Variants in DPP10 observed in about 807,000 individuals in gnomAD.
The protein encoded by DPP10 is inactive dipeptidyl peptidase 10.
DPP10 carries 33 observed loss-of-function variants against 120.9 expected under a neutral mutation model. The ratio of observed to expected loss-of-function variants is 0.27; its 90% confidence interval spans 0.21 to 0.37. The LOEUF is 0.37. DPP10 is among the 10% of genes least tolerant of loss of function. The pLI, the probability that DPP10 is intolerant of heterozygous loss-of-function variation, is 1.00. For missense variants in DPP10, 816 were observed against 942.8 expected (o/e 0.87, Z 1.76); for synonymous variants, 337 against 326.1 (o/e 1.03, Z -0.36).
At chr2:114,913,636 CA>C (rs1694554261) in intron 1 of DPP10, among the ~76,000 whole-genome samples, 1 of 152,172 alleles carries the variant, frequency 6.6e-6, no homozygotes, top group Non-Finnish European at 1.5e-5. Context: ...GAAGAACCAA[CA>C]TAAGAATTCT....
chr2:114,717,035 G>A (rs888843970), intron 1 of DPP10, among the ~76,000 whole-genome samples: 2 of 152,200 alleles, frequency 1.3e-5, no homozygotes, highest in African/African-American at 4.8e-5. Context: ...TGTGCCTTTG[G>A]AAGTAAGCCT....
At chr2:114,911,878 G>A (rs1001530799) in intron 1 of DPP10, among the ~76,000 whole-genome samples, 1 of 152,158 alleles carries the variant, frequency 6.6e-6, no homozygotes, top group African/African-American at 2.4e-5. Flanking sequence ...GAGGCAGAGA[G>A]GGAGAGAACT....
At chr2:114,916,201 T>C (rs1156576776) in intron 1 of DPP10, among the ~76,000 whole-genome samples, 1 of 152,174 alleles carries the variant, frequency 6.6e-6, no homozygotes, top group South Asian at 2.1e-4. Flanking sequence ...TGAACACCGC[T>C]ATTCACATAA....
At chr2:114,990,582 T>G (rs1700700056) in intron 1 of DPP10, among the ~76,000 whole-genome samples, 1 of 152,294 alleles carries the variant, frequency 6.6e-6, no homozygotes, top group Non-Finnish European at 1.5e-5. Flanking sequence ...TTAATTATTT[T>G]TATACCCCAA....
At position 115,371,106 on chromosome 2, in the gene DPP10, C is replaced by T. The variant is rs550828361; in HGVS notation, c.271+27194C>T. ...TTTATTTTAATGCATTTTTGGGGAT[C>T]GTACAACATCTGCTACTGGTATTTC... On this transcript the variant is annotated intron_variant, in intron 3 of 25. Transcript: ENST00000410059. Among the ~76,000 whole-genome samples the T allele has an allele frequency of 2.0e-4, 30 of 152,196 alleles. No homozygotes were observed. The South Asian group carries it at 2.5e-3, about 13-fold the overall frequency.
chr2:115,511,850 C>T (rs1255141122), intron 4 of DPP10, among the ~76,000 whole-genome samples: 1 of 151,066 alleles, frequency 6.6e-6, no homozygotes, highest in Non-Finnish European at 1.5e-5. Flanking sequence ...ACCTCAGCCT[C>T]CTGAGTATCT....
intron 1 of DPP10, among the ~76,000 whole-genome samples, chr2:114,619,268 A>T (rs1436036628): frequency 6.6e-6 from 1 of 152,054 alleles, no homozygotes; most frequent in African/African-American, 2.4e-5. Flanking sequence ...GGCAGTTTAG[A>T]AACAGTTGAA....
intron 9 of DPP10, among the ~76,000 whole-genome samples, chr2:115,742,560 G>C (rs912062433): frequency 6.6e-6 from 1 of 152,036 alleles, no homozygotes; most frequent in African/African-American, 2.4e-5. Context: ...ACCTACCCAG[G>C]TACTTAAGAC....
At chr2:115,143,308 A>G (rs13416481) in intron 1 of DPP10, among the ~76,000 whole-genome samples, 27,109 of 152,156 alleles carry the variant, frequency 0.18, 3,346 homozygotes, top group African/African-American at 0.35. Flanking sequence ...CAGAAAAGCA[A>G]TAGCCCCTTT....
chr2:115,248,943 C>A (rs2058645179), intron 1 of DPP10, among the ~76,000 whole-genome samples: 1 of 152,026 alleles, frequency 6.6e-6, no homozygotes. Context: ...TTTGCTACAT[C>A]TTTCATGAAT....
At chr2:115,384,706 G>A (rs1015075091) in intron 3 of DPP10, among the ~76,000 whole-genome samples, 1,651 of 118,398 alleles carry the variant, frequency 0.014, 23 homozygotes, top group African/African-American at 0.061. Context: ...AAAGAAAGAA[G>A]AAAGAAGAAG....
chr2:115,006,207 C>T (rs1701828273), intron 1 of DPP10, among the ~76,000 whole-genome samples: 1 of 151,756 alleles, frequency 6.6e-6, no homozygotes, highest in African/African-American at 2.4e-5. Context: ...TAAAAGAGCT[C>T]CTGAAGGAAG....
At chr2:114,520,372 G>A (rs980871713) in intron 1 of DPP10, among the ~76,000 whole-genome samples, 17 of 152,316 alleles carry the variant, frequency 1.1e-4, no homozygotes, top group African/African-American at 3.6e-4. Flanking sequence ...TGGACATAAT[G>A]CATTCCTAGA....
chr2:115,080,698 C>T (rs1454087242), intron 1 of DPP10, among the ~76,000 whole-genome samples: 1 of 152,152 alleles, frequency 6.6e-6, no homozygotes, highest in Non-Finnish European at 1.5e-5. Context: ...CAGTGCAGAT[C>T]GTGTATTTTT....
intron 3 of DPP10, among the ~76,000 whole-genome samples, chr2:115,374,796 A>G (rs767454149): frequency 2.4e-4 from 36 of 152,210 alleles, no homozygotes; most frequent in Non-Finnish European, 4.3e-4. Flanking sequence ...TCTGAGCTGT[A>G]CATTGGTTTC....
rs556844705 is a variant in DPP10, at chr2:114,787,008, C to G, written c.60+344170C>G. 1.4e-3 allele frequency among the ~76,000 whole-genome samples: 217 copies of G among 152,286 alleles called. 1 individual carries two copies. Among genetic ancestry groups the G allele is most frequent in the African/African-American group, 5.1e-3 (211 of 41,550 alleles). ...TTAGGAACTGGGGATACATCCTCCT[C>G]TCTCTCATGGGGTTCACATTTGAAC... is the stretch of plus-strand genomic sequence containing the variant. On this transcript the variant is annotated intron_variant, in intron 1 of 25. Coordinates refer to ENST00000410059, the MANE Select transcript of DPP10 (RefSeq NM_020868.6).
intron 2 of DPP10, among the ~76,000 whole-genome samples, chr2:115,322,740 A>G (rs2062125060): frequency 1.3e-5 from 2 of 152,244 alleles, no homozygotes; most frequent in African/African-American, 4.8e-5. Flanking sequence ...CTATTCCAAT[A>G]AAGCAAATCA....
chr2:115,752,646 C>A (rs911891588), intron 10 of DPP10, among the ~76,000 whole-genome samples: 1 of 151,956 alleles, frequency 6.6e-6, no homozygotes, highest in Admixed American at 6.6e-5. Flanking sequence ...AAAGTCCCCA[C>A]GTATGAAGTG....
At chr2:115,486,896 G>T (rs1343886167) in intron 3 of DPP10, among the ~76,000 whole-genome samples, 1 of 152,030 alleles carries the variant, frequency 6.6e-6, no homozygotes, top group Non-Finnish European at 1.5e-5. Flanking sequence ...CCTGAAAAAG[G>T]CTCTTTATCA....
Sources: gnomAD v4.1 joint callset for allele counts (sites outside exome capture counted in the v4.1 genomes callset) on GRCh38, gnomAD v4.1.1 for gene constraint, MANE v1.5 for transcripts, NCBI Gene and HGNC (gene_info 2026-07-23, HGNC 2026-07-21) for gene names.